DOCK10: variants seen among roughly 807,000 people sequenced by gnomAD.
DOCK10 encodes dedicator of cytokinesis 10.
Under a neutral mutation model 280.1 loss-of-function variants are expected in DOCK10, and 145 were observed. The observed-to-expected ratio is 0.52, with a 90% CI of 0.45 to 0.59. The LOEUF (loss-of-function observed/expected upper bound fraction) is 0.59. Ranked by LOEUF, DOCK10 falls within the 20% of genes least tolerant of loss-of-function variation. The probability of loss-of-function intolerance (pLI) is 0.00; values close to 1 mark genes in which losing one functional copy is unlikely to be tolerated. For missense variants in DOCK10, 2,368 were observed against 2,651.7 expected, an observed-to-expected ratio of 0.89 and a Z score of 2.35; for synonymous variants, 915 against 942.2, an observed-to-expected ratio of 0.97 and a Z score of 0.53.
intron 3 of DOCK10, among the ~76,000 whole-genome samples, chr2:224,915,528 A>G (rs1163688309): frequency 6.6e-6 from 1 of 152,248 alleles, no homozygotes; most frequent in Non-Finnish European, 1.5e-5. Flanking sequence ...TACAACAGAA[A>G]ATATGTACAG....
chr2:224,876,071 T>C lies in DOCK10; in HGVS notation c.898A>G (p.Arg300Gly). 1 of 1,613,814 alleles carries C rather than the reference T, an allele frequency of 6.2e-7. No homozygotes were observed. Among genetic ancestry groups the C allele is most frequent in the Non-Finnish European group, 8.5e-7 (1 of 1,179,824 alleles). Residue 300 changes from arginine (R) to glycine (G), a missense_variant, in exon 8 of 56, where the codon AGG (arginine) becomes GGG (glycine). Transcript: ENST00000258390. ...QISPEGPLQG[R>G]RSTELTDLGL... is the part of the protein sequence containing the mutation. ...AGATCAGTGAGCTCTGTGCTCCTCC[T>C]CCCTTGGAGGGGCCCCTCAGGACTG...
Position 225,036,786 on chromosome 2 carries a change from C to T in DOCK10, c.123+5466G>A, listed in dbSNP as rs148914487. 1.9e-3 allele frequency among the ~76,000 whole-genome samples: 295 copies of T among 152,202 alleles called. 1 individual carries two copies. The highest frequency in any genetic ancestry group is 6.8e-3 in the African/African-American group (284 of 41,538). ...AAATCTCATGGCTGATGGTGTTTTCCTCTTTGACTTGGTCACCAAGAAGCA... is the reference window on the plus strand; with the variant it reads ...AAATCTCATGGCTGATGGTGTTTTCTTCTTTGACTTGGTCACCAAGAAGCA... On this transcript the variant is annotated intron_variant, in intron 1 of 55. Transcript: ENST00000258390.
At chr2:224,982,218 G>T (rs552044234) in intron 1 of DOCK10, 1 of 1,231,738 alleles carries the variant, frequency 8.1e-7, no homozygotes, top group South Asian at 4.1e-5. Context: ...ATTATGATGA[G>T]GGTTCTGGGT....
chr2:224,849,104 T>A (rs1371166363), intron 19 of DOCK10, among the ~76,000 whole-genome samples: 3 of 151,904 alleles, frequency 2.0e-5, no homozygotes, highest in Non-Finnish European at 4.4e-5. Context: ...GCCTCCCGAG[T>A]AGCTGGGATT....
intron 11 of DOCK10, among the ~76,000 whole-genome samples, chr2:224,871,368 G>A (rs1437492502): frequency 1.3e-5 from 2 of 151,944 alleles, no homozygotes; most frequent in African/African-American, 4.8e-5. Context: ...AAGCTTATCA[G>A]CCCAATTTAC....
chr2:224,845,427 A>G, intron 20 of DOCK10, 92 bp downstream of exon 20: 1 of 1,542,022 alleles, frequency 6.5e-7, no homozygotes, highest in Non-Finnish European at 8.8e-7. Context: ...TTCATGAAAA[A>G]TAATTCAATA....
chr2:224,797,234 A>C, intron 42 of DOCK10, 88 bp from the exon 43 acceptor site: 8 of 998,200 alleles, frequency 8.0e-6, no homozygotes, highest in East Asian at 3.1e-5. Context: ...CTAAAACAAA[A>C]TCCCTCTCCT....
At chr2:224,931,452 A>G in intron 2 of DOCK10, 97 bp downstream of exon 2, 1 of 1,366,962 alleles carries the variant, frequency 7.3e-7, no homozygotes, top group Non-Finnish European at 9.8e-7. Flanking sequence ...TAGGGTGGCC[A>G]CAGGGAGGCC....
At chr2:224,868,466 GC>G (rs1698066697) in intron 11 of DOCK10, among the ~76,000 whole-genome samples, 1 of 152,136 alleles carries the variant, frequency 6.6e-6, no homozygotes, top group Non-Finnish European at 1.5e-5. Flanking sequence ...TTGAGTTGAT[GC>G]CAATCTCTAC....
At chr2:224,974,807 T>G (rs1705312909) in intron 1 of DOCK10, among the ~76,000 whole-genome samples, 1 of 132,896 alleles carries the variant, frequency 7.5e-6, no homozygotes, top group African/African-American at 2.6e-5. Context: ...ATATCATATA[T>G]ATTATATATA....
chr2:224,884,369 G>A (rs895747151), intron 7 of DOCK10, among the ~76,000 whole-genome samples: 1 of 152,190 alleles, frequency 6.6e-6, no homozygotes, highest in African/African-American at 2.4e-5. Flanking sequence ...GCTGAGGTTT[G>A]AGGGTAACAG....
intron 4 of DOCK10, among the ~76,000 whole-genome samples, chr2:224,887,653 T>G (rs1407181602): frequency 6.6e-6 from 1 of 152,208 alleles, no homozygotes; most frequent in Non-Finnish European, 1.5e-5. Flanking sequence ...GGGATGTTTT[T>G]CTTTTTTAAA....
At chr2:224,934,757 T>A (rs552556795) in intron 1 of DOCK10, among the ~76,000 whole-genome samples, 1 of 152,354 alleles carries the variant, frequency 6.6e-6, no homozygotes, top group African/African-American at 2.4e-5. Context: ...TTGAATTTAA[T>A]GTGCTTGTTT....
intron 3 of DOCK10, among the ~76,000 whole-genome samples, chr2:224,912,501 T>C (rs1221935320): frequency 2.0e-5 from 3 of 152,116 alleles, no homozygotes; most frequent in Non-Finnish European, 4.4e-5. Context: ...ATTACAAAAT[T>C]TATGTGTAAT....
Position 224,976,821 on chromosome 2 carries a change from G to A in DOCK10, c.124-45153C>T, listed in dbSNP as rs369651519. 2.8e-4 allele frequency among the ~76,000 whole-genome samples: 42 copies of A among 152,172 alleles called. 1 individual carries two copies. In the South Asian group the frequency reaches 8.5e-3, roughly 31 times the overall value. On this transcript the variant is annotated intron_variant, in intron 1 of 55. Coordinates refer to ENST00000258390, the MANE Select transcript of DOCK10 (RefSeq NM_014689.3). ...ATGGTCTCTGTATCTTTTGCCCTAT[G>A]CCACCCTCTTCCTCCTTCTTTTGTT...
chr2:224,870,377 G>A (rs1330315006), intron 11 of DOCK10, among the ~76,000 whole-genome samples: 1 of 152,104 alleles, frequency 6.6e-6, no homozygotes, highest in Admixed American at 6.5e-5. Context: ...TTTCCAAATG[G>A]TTTCAAGGAC....
At chr2:224,937,572 T>C (rs930933979) in intron 1 of DOCK10, among the ~76,000 whole-genome samples, 11 of 152,036 alleles carry the variant, frequency 7.2e-5, no homozygotes, top group African/African-American at 2.7e-4. Flanking sequence ...ATGGTAGTCA[T>C]AATGAAGAGT....
At chr2:224,879,967 T>C (rs1233701224) in intron 7 of DOCK10, among the ~76,000 whole-genome samples, 1 of 152,004 alleles carries the variant, frequency 6.6e-6, no homozygotes, top group African/African-American at 2.4e-5. Flanking sequence ...AAAAGGGAGA[T>C]AAAAAGCAAC....
chr2:225,008,164 TA>T (rs1414029943), intron 1 of DOCK10, among the ~76,000 whole-genome samples: 1 of 152,202 alleles, frequency 6.6e-6, no homozygotes, highest in Non-Finnish European at 1.5e-5. Context: ...CATTCATTCA[TA>T]AACTTTTTAT....
Sources: allele counts gnomAD v4.1 joint callset (sites outside exome capture counted in the v4.1 genomes callset), GRCh38; gene constraint gnomAD v4.1.1; transcripts MANE v1.5; gene names NCBI Gene and HGNC (gene_info 2026-07-23, HGNC 2026-07-21).